Variants in DTWD2 observed in about 807,000 individuals in gnomAD.
DTWD2 encodes DTW motif tRNA-uridine aminocarboxypropyltransferase 2.
A neutral mutation model predicts 31.8 loss-of-function variants in DTWD2; 39 were observed. The observed-to-expected ratio is 1.22, with a 90% CI of 0.95 to 1.60. The LOEUF (loss-of-function observed/expected upper bound fraction) is 1.60. Among genes scored for constraint, DTWD2 ranks in the 40% most tolerant of loss-of-function variants. The pLI is 0.00. For missense variants in DTWD2, 515 were observed against 381.5 expected, an observed-to-expected ratio of 1.35 and a Z score of -2.92; for synonymous variants, 180 against 142.8, an observed-to-expected ratio of 1.26 and a Z score of -1.86.
chr5:118,924,669 C>T (rs1032520244), intron 4 of DTWD2, among the ~76,000 whole-genome samples: 1 of 152,204 alleles, frequency 6.6e-6, no homozygotes, highest in Non-Finnish European at 1.5e-5. Flanking sequence ...TTTAGTGTTA[C>T]ATAAAGTAGT....
At chr5:118,896,523 G>A (rs1006732289) in intron 4 of DTWD2, among the ~76,000 whole-genome samples, 6 of 151,756 alleles carry the variant, frequency 4.0e-5, no homozygotes, top group African/African-American at 9.7e-5. Context: ...GATGTAACAT[G>A]TTAATAAAAC....
intron 4 of DTWD2, among the ~76,000 whole-genome samples, chr5:118,906,491 CA>C (rs2149568444): frequency 6.6e-6 from 1 of 152,140 alleles, no homozygotes; most frequent in Admixed American, 6.5e-5. Context: ...GTAGAATATG[CA>C]AACAATGGAA....
At chr5:118,867,017 G>T (rs1470501714) in intron 4 of DTWD2, among the ~76,000 whole-genome samples, 1 of 151,804 alleles carries the variant, frequency 6.6e-6, no homozygotes, top group African/African-American at 2.4e-5. Flanking sequence ...AATTAGAGTT[G>T]AAAAGACATT....
At chr5:118,968,131 C>T (rs2149596847) in intron 1 of DTWD2, among the ~76,000 whole-genome samples, 1 of 150,628 alleles carries the variant, frequency 6.6e-6, no homozygotes, top group Non-Finnish European at 1.5e-5. Context: ...AATCATAAGT[C>T]AAACCCAACT....
chr5:118,906,464 G>A (rs1317007648), intron 4 of DTWD2, among the ~76,000 whole-genome samples: 1 of 152,100 alleles, frequency 6.6e-6, no homozygotes, highest in East Asian at 1.9e-4. Context: ...ATTTGCAGAT[G>A]CCCAGATAAA....
At chr5:118,900,422 C>G (rs1753179379) in intron 4 of DTWD2, among the ~76,000 whole-genome samples, 1 of 152,002 alleles carries the variant, frequency 6.6e-6, no homozygotes, top group African/African-American at 2.4e-5. Context: ...TACAAAACTG[C>G]AGGCAAGTTA....
chr5:118,973,173 A>G (rs1202717248), intron 1 of DTWD2, among the ~76,000 whole-genome samples: 4 of 150,596 alleles, frequency 2.7e-5, no homozygotes, highest in Admixed American at 1.3e-4. Flanking sequence ...GGGTCTTCTG[A>G]ATACAACACA....
intron 1 of DTWD2, among the ~76,000 whole-genome samples, chr5:118,971,648 G>C (rs1245722893): frequency 6.6e-6 from 1 of 152,038 alleles, no homozygotes; most frequent in Non-Finnish European, 1.5e-5. Context: ...GAGATCTACA[G>C]AACTCTCCAT....
chr5:118,907,727 CA>C (rs1191974736), intron 4 of DTWD2, among the ~76,000 whole-genome samples: 9,915 of 115,536 alleles, frequency 0.086, 340 homozygotes, highest in South Asian at 0.18. Flanking sequence ...GACTCCATAT[CA>C]AAAAAAAAAA....
intron 4 of DTWD2, among the ~76,000 whole-genome samples, chr5:118,926,341 G>A (rs949944605): frequency 6.6e-6 from 1 of 152,108 alleles, no homozygotes; most frequent in Non-Finnish European, 1.5e-5. Context: ...ATAAGTGGGA[G>A]CTAAGCTATG....
At chr5:118,871,157 A>C (rs1485212767) in intron 4 of DTWD2, among the ~76,000 whole-genome samples, 1 of 152,170 alleles carries the variant, frequency 6.6e-6, no homozygotes, top group African/African-American at 2.4e-5. Context: ...GTTCAAGTTA[A>C]ATTATGAGAT....
At chr5:118,859,935 T>TAGA (rs1752221521) in intron 4 of DTWD2, among the ~76,000 whole-genome samples, 1 of 151,912 alleles carries the variant, frequency 6.6e-6, no homozygotes, top group African/African-American at 2.4e-5. Context: ...CTAGGCAACA[T>TAGA]GATAAATCCC....
At chr5:118,850,455 G>T (rs996409343) in intron 4 of DTWD2, among the ~76,000 whole-genome samples, 5 of 120,542 alleles carry the variant, frequency 4.1e-5, no homozygotes, top group Non-Finnish European at 6.5e-5. Flanking sequence ...TCCAGACTGG[G>T]TGACAGAGCC....
At chr5:118,850,081 C>T (rs777505884) in intron 4 of DTWD2, among the ~76,000 whole-genome samples, 2 of 151,542 alleles carry the variant, frequency 1.3e-5, no homozygotes, top group Non-Finnish European at 2.9e-5. Flanking sequence ...GGGGAAAGAA[C>T]TCCCTAGTCA....
chr5:118,963,507 A>G (rs939058748), intron 1 of DTWD2, among the ~76,000 whole-genome samples: 2 of 152,252 alleles, frequency 1.3e-5, no homozygotes, highest in Admixed American at 6.5e-5. Context: ...GTTACACAAA[A>G]GATTCTGAAC....
intron 4 of DTWD2, among the ~76,000 whole-genome samples, chr5:118,908,059 C>A (rs927263394): frequency 6.6e-5 from 10 of 152,122 alleles, no homozygotes; most frequent in Admixed American, 2.0e-4. Flanking sequence ...GATGAAGATG[C>A]CTTGCACCTC....
At chr5:118,952,947 T>C (rs1003201765) in intron 1 of DTWD2, among the ~76,000 whole-genome samples, 4 of 152,138 alleles carry the variant, frequency 2.6e-5, no homozygotes, top group African/African-American at 9.7e-5. Context: ...CTTGACCACA[T>C]CATATGACAA....
chr5:118,840,822 A>G lies in DTWD2; in HGVS notation c.*95T>C. On this transcript the variant is annotated 3_prime_UTR_variant, in exon 6 of 6. Coordinates refer to ENST00000510708, the MANE Select transcript of DTWD2 (RefSeq NM_173666.4). ...GATTAGTATGCAATTCTCCTTCTTT[A>G]GCAAGTCAAAAACCTACAGACCTTA... 1 of 1,302,250 alleles carries G rather than the reference A, an allele frequency of 7.7e-7. No individual in the cohort carries two copies. Among genetic ancestry groups the G allele is most frequent in the African/African-American group, 1.5e-5 (1 of 65,070 alleles). 80.7% of individuals were successfully genotyped at this position (1,302,250 alleles called of 1,614,324 possible). A position where few individuals can be genotyped will look rare whatever the true frequency, so the allele number is the denominator to read the frequency against.
At chr5:118,964,828 A>G (rs1464168921) in intron 1 of DTWD2, among the ~76,000 whole-genome samples, 1 of 152,166 alleles carries the variant, frequency 6.6e-6, no homozygotes, top group African/African-American at 2.4e-5. Flanking sequence ...GGCCTCCCAA[A>G]GTGCCGAGAT....
Sources: allele counts gnomAD v4.1 joint callset (sites outside exome capture counted in the v4.1 genomes callset), GRCh38; gene constraint gnomAD v4.1.1; transcripts MANE v1.5; gene names NCBI Gene and HGNC (gene_info 2026-07-23, HGNC 2026-07-21).